Variants in CCBE1 observed in about 807,000 individuals in gnomAD.
The protein encoded by CCBE1 is collagen and calcium-binding EGF domain-containing protein 1.
In CCBE1, 37 loss-of-function variants were observed where a neutral mutation model predicts 50.0. The observed-to-expected ratio is 0.74, with a 90% CI of 0.57 to 0.97. CCBE1 has a LOEUF of 0.97. CCBE1 is among the 50% of genes least tolerant of loss of function. The pLI is 0.00. For missense variants in CCBE1, 538 were observed against 523.8 expected, an observed-to-expected ratio of 1.03 and a Z score of -0.26; for synonymous variants, 234 against 203.7, an observed-to-expected ratio of 1.15 and a Z score of -1.27.
intron 2 of CCBE1, among the ~76,000 whole-genome samples, chr18:59,562,298 C>A (rs1568207770): frequency 6.6e-6 from 1 of 152,104 alleles, no homozygotes; most frequent in East Asian, 1.9e-4. Flanking sequence ...AACCAGGAAC[C>A]AATCAGAACC....
At chr18:59,567,615 A>G (rs28704056) in intron 2 of CCBE1, among the ~76,000 whole-genome samples, 1 of 152,120 alleles carries the variant, frequency 6.6e-6, no homozygotes, top group South Asian at 2.1e-4. Flanking sequence ...TAATGTAGCA[A>G]TTCTATCAGT....
intron 2 of CCBE1, among the ~76,000 whole-genome samples, chr18:59,644,019 A>G (rs1025188284): frequency 5.9e-5 from 9 of 152,204 alleles, no homozygotes; most frequent in Admixed American, 6.5e-5. Flanking sequence ...CTGGTCCCCA[A>G]CCTTTTTGGT....
chr18:59,670,898 A>T (rs1271261893), intron 2 of CCBE1, among the ~76,000 whole-genome samples: 1 of 152,192 alleles, frequency 6.6e-6, no homozygotes, highest in East Asian at 1.9e-4. Flanking sequence ...CAGTGAGCCT[A>T]GATCACACCG....
At chr18:59,485,624 T>TTATTTATG (rs1430740428) in intron 2 of CCBE1, among the ~76,000 whole-genome samples, 16 of 151,366 alleles carry the variant, frequency 1.1e-4, no homozygotes, top group Admixed American at 5.9e-4. Context: ...ATTTATTTAT[T>TTATTTATG]TTTTGAGATG....
At chr18:59,523,857 C>G (rs1047954497) in intron 2 of CCBE1, among the ~76,000 whole-genome samples, 2 of 152,168 alleles carry the variant, frequency 1.3e-5, no homozygotes, top group Non-Finnish European at 2.9e-5. Flanking sequence ...GCAGCACAGC[C>G]TTCTGCATTG....
intron 2 of CCBE1, among the ~76,000 whole-genome samples, chr18:59,616,504 C>G (rs992613353): frequency 5.3e-5 from 8 of 152,162 alleles, no homozygotes; most frequent in African/African-American, 1.7e-4. Flanking sequence ...ACATGCCTCC[C>G]CAAGGAGGAA....
chr18:59,685,674 T>C (rs905582717), intron 2 of CCBE1: 5 of 152,228 alleles, frequency 3.3e-5, no homozygotes, highest in African/African-American at 1.2e-4. Flanking sequence ...AGCCAAGGTA[T>C]GTGGAGCAGC....
chr18:59,606,041 C>T (rs534376470), intron 2 of CCBE1, among the ~76,000 whole-genome samples: 2 of 152,184 alleles, frequency 1.3e-5, no homozygotes, highest in Non-Finnish European at 2.9e-5. Context: ...ATCTCAACGC[C>T]TATGGTGCTT....
intron 2 of CCBE1, among the ~76,000 whole-genome samples, chr18:59,677,790 G>C (rs2054526541): frequency 6.6e-6 from 1 of 152,110 alleles, no homozygotes; most frequent in African/African-American, 2.4e-5. Context: ...ATGTAAGGTT[G>C]AAATGACAGA....
chr18:59,484,287 A>G (rs1270205191), intron 2 of CCBE1, among the ~76,000 whole-genome samples: 3 of 152,226 alleles, frequency 2.0e-5, no homozygotes, highest in Non-Finnish European at 4.4e-5. Flanking sequence ...TTCATGAGAA[A>G]GTTGGATACA....
intron 2 of CCBE1, among the ~76,000 whole-genome samples, chr18:59,651,132 G>C (rs1351769195): frequency 6.6e-6 from 1 of 152,158 alleles, no homozygotes; most frequent in Non-Finnish European, 1.5e-5. Context: ...TTTCTTCAAA[G>C]GTATGAATAG....
chr18:59,487,125 C>A (rs10503028), intron 2 of CCBE1, among the ~76,000 whole-genome samples: 13,636 of 146,906 alleles, frequency 0.093, 1,520 homozygotes, highest in East Asian at 0.54. Context: ...TCTAAAGGCA[C>A]ACTAGATGGT....
intron 2 of CCBE1, among the ~76,000 whole-genome samples, chr18:59,567,915 A>G (rs1402139707): frequency 1.3e-5 from 2 of 152,196 alleles, no homozygotes; most frequent in African/African-American, 4.8e-5. Context: ...TCCTAATGCT[A>G]TTTTTAAATT....
intron 2 of CCBE1, among the ~76,000 whole-genome samples, chr18:59,624,070 G>C (rs916163018): frequency 6.6e-6 from 1 of 152,214 alleles, no homozygotes; most frequent in Admixed American, 6.5e-5. Flanking sequence ...AGGGTGGTCT[G>C]CCTGGGCCAT....
intron 3 of CCBE1, among the ~76,000 whole-genome samples, chr18:59,476,177 A>G (rs886097735): frequency 6.6e-6 from 1 of 152,190 alleles, no homozygotes; most frequent in Non-Finnish European, 1.5e-5. Context: ...CAAAATAAAG[A>G]TAATAATACC....
At chr18:59,689,787 C>T (rs2054704925) in intron 2 of CCBE1, among the ~76,000 whole-genome samples, 1 of 152,148 alleles carries the variant, frequency 6.6e-6, no homozygotes, top group South Asian at 2.1e-4. Flanking sequence ...AAAATAACAC[C>T]TCCTCTTTGT....
chr18:59,602,916 C>T (rs1237478445), intron 2 of CCBE1, among the ~76,000 whole-genome samples: 3 of 152,238 alleles, frequency 2.0e-5, no homozygotes, highest in African/African-American at 7.2e-5. Flanking sequence ...CATGCACAGG[C>T]TCTGCACCCT....
At chr18:59,556,173 G>C (rs1299661463) in intron 2 of CCBE1, among the ~76,000 whole-genome samples, 2 of 152,166 alleles carry the variant, frequency 1.3e-5, no homozygotes, top group African/African-American at 4.8e-5. Context: ...TGACCTACCT[G>C]CTGTGGCATT....
chr18:59,492,329 C>G (rs927215967), intron 2 of CCBE1, among the ~76,000 whole-genome samples: 5 of 151,974 alleles, frequency 3.3e-5, no homozygotes, highest in Non-Finnish European at 7.4e-5. Context: ...TTTCCCATAT[C>G]TGCTATTCCC....
Sources: gnomAD v4.1 joint callset for allele counts (sites outside exome capture counted in the v4.1 genomes callset) on GRCh38, gnomAD v4.1.1 for gene constraint, MANE v1.5 for transcripts, NCBI Gene and HGNC (gene_info 2026-07-23, HGNC 2026-07-21) for gene names.